The following PTPRT variants were observed in gnomAD, a reference collection of about 807,000 sequenced individuals.
PTPRT encodes protein tyrosine phosphatase receptor type T, also known as receptor-type tyrosine-protein phosphatase T.
In PTPRT, 56 loss-of-function variants were observed where a neutral mutation model predicts 176.8. That is an observed-to-expected ratio of 0.32 (90% CI 0.26 to 0.40). PTPRT has a LOEUF of 0.40. PTPRT is among the 10% of genes least tolerant of loss of function. PTPRT has a pLI of 1.00. For synonymous variants in PTPRT, 783 were observed against 739.0 expected (o/e 1.06, Z -0.96); for missense variants, 1,540 against 1,908.2 (o/e 0.81, Z 3.60).
chr20:42,858,110 C>T (rs770017236), intron 2 of PTPRT, among the ~76,000 whole-genome samples: 2 of 152,190 alleles, frequency 1.3e-5, no homozygotes, highest in Non-Finnish European at 2.9e-5. Context: ...AATCATGGAT[C>T]TGCCTACCTG....
At chr20:42,811,929 T>C (rs1017875011) in intron 2 of PTPRT, among the ~76,000 whole-genome samples, 5 of 152,184 alleles carry the variant, frequency 3.3e-5, no homozygotes, top group African/African-American at 1.2e-4. Flanking sequence ...CTGAGTACAT[T>C]TACTCTTGAC....
intron 7 of PTPRT, among the ~76,000 whole-genome samples, chr20:42,610,238 A>T (rs1251267384): frequency 2.0e-5 from 3 of 152,258 alleles, no homozygotes; most frequent in East Asian, 3.9e-4. Flanking sequence ...AGACTCCCAG[A>T]TTTTCTGCAA....
At chr20:42,791,922 G>T (rs994585547) in intron 2 of PTPRT, among the ~76,000 whole-genome samples, 2 of 152,142 alleles carry the variant, frequency 1.3e-5, no homozygotes, top group African/African-American at 4.8e-5. Context: ...GTTCCTTCCA[G>T]CAGAAACAGA....
At chr20:42,778,543 G>A (rs1347396576) in intron 4 of PTPRT, among the ~76,000 whole-genome samples, 1 of 152,188 alleles carries the variant, frequency 6.6e-6, no homozygotes, top group Non-Finnish European at 1.5e-5. Context: ...TGAGTGGATG[G>A]GATGTAGGCA....
intron 2 of PTPRT, among the ~76,000 whole-genome samples, chr20:42,835,597 G>C (rs1221103455): frequency 1.3e-5 from 2 of 152,122 alleles, no homozygotes; most frequent in African/African-American, 4.8e-5. Flanking sequence ...TCAAGGCTTT[G>C]TAGCATACAT....
chr20:42,811,140 T>C (rs2077691442), intron 2 of PTPRT, among the ~76,000 whole-genome samples: 1 of 152,194 alleles, frequency 6.6e-6, no homozygotes, highest in African/African-American at 2.4e-5. Context: ...TATTGGGAAA[T>C]GATACATATT....
At chr20:42,650,144 G>GAAGA (rs2075003473) in intron 7 of PTPRT, among the ~76,000 whole-genome samples, 1 of 152,172 alleles carries the variant, frequency 6.6e-6, no homozygotes, top group Non-Finnish European at 1.5e-5. Flanking sequence ...ACAGATATTG[G>GAAGA]TTAGCAGTCT....
chr20:42,785,287 T>C (rs1039030097), intron 3 of PTPRT, among the ~76,000 whole-genome samples: 3 of 152,184 alleles, frequency 2.0e-5, no homozygotes. Flanking sequence ...AGAGGAAATT[T>C]CAGTGTTTAT....
At chr20:42,293,925 C>T (rs763741121) in intron 12 of PTPRT, among the ~76,000 whole-genome samples, 1 of 151,820 alleles carries the variant, frequency 6.6e-6, no homozygotes, top group South Asian at 2.1e-4. Flanking sequence ...TATTTAACAC[C>T]AAATTTTCCC....
intron 19 of PTPRT, among the ~76,000 whole-genome samples, chr20:42,123,846 C>T (rs1261538203): frequency 6.6e-6 from 1 of 152,192 alleles, no homozygotes; most frequent in Admixed American, 6.5e-5. Flanking sequence ...TCCACTTTCT[C>T]TGGCTTACTT....
intron 2 of PTPRT, among the ~76,000 whole-genome samples, chr20:42,878,237 T>C (rs1001276875): frequency 6.6e-6 from 1 of 152,196 alleles, no homozygotes; most frequent in Non-Finnish European, 1.5e-5. Flanking sequence ...GGAACAGTCA[T>C]TGCAATGGGA....
chr20:42,385,578 A>G (rs533517998), intron 9 of PTPRT, among the ~76,000 whole-genome samples: 1 of 152,362 alleles, frequency 6.6e-6, no homozygotes, highest in East Asian at 1.9e-4. Context: ...ACAGTGTATT[A>G]GTCTGTTCTC....
rs1286035140 is a variant in PTPRT, at chr20:42,104,599, T to G, written c.3510A>C (p.Thr1170=). ...YYNISRLDPQ[T]NSSQIKDEFQ... ...ATTCATCTTTGATTTGGCTGGAGTTTGTCTGGGGGTCCAGCCTGCTGATAT... is the reference window on the plus strand; with the variant it reads ...ATTCATCTTTGATTTGGCTGGAGTTGGTCTGGGGGTCCAGCCTGCTGATAT... The change falls in exon 25 of 31, where the codon ACA becomes ACC. Residue 1170 remains threonine, a synonymous_variant. Coordinates refer to ENST00000373187, the MANE Select transcript of PTPRT (RefSeq NM_007050.6). The G allele has an allele frequency of 1.9e-6, 3 of 1,613,002 alleles. No individual in the cohort carries two copies. Among genetic ancestry groups the G allele is most frequent in the Non-Finnish European group, 2.5e-6 (3 of 1,179,088 alleles).
At chr20:42,101,480 A>G (rs2146233892) in intron 26 of PTPRT, among the ~76,000 whole-genome samples, 1 of 152,328 alleles carries the variant, frequency 6.6e-6, no homozygotes, top group Middle Eastern at 3.4e-3. Context: ...TCGCTGGACC[A>G]GGAACATGAC....
At chr20:42,345,744 AATATATAT>A (rs897900404) in intron 11 of PTPRT, among the ~76,000 whole-genome samples, 1 of 151,292 alleles carries the variant, frequency 6.6e-6, no homozygotes, top group African/African-American at 2.4e-5. Context: ...CAAAACAAAA[AATATATAT>A]ATATGAACAG....
chr20:43,091,547 A>G (rs892517578), intron 1 of PTPRT, among the ~76,000 whole-genome samples: 2 of 151,184 alleles, frequency 1.3e-5, no homozygotes, highest in Admixed American at 6.6e-5. Context: ...TCACACACAC[A>G]TACACACAAA....
At chr20:42,283,558 GT>G (rs770442237) in intron 12 of PTPRT, among the ~76,000 whole-genome samples, 2 of 152,052 alleles carry the variant, frequency 1.3e-5, no homozygotes, top group Non-Finnish European at 2.9e-5. Flanking sequence ...TCCAATGTAG[GT>G]GTGTGGCTGG....
At chr20:42,243,012 T>C (rs1600720127) in intron 14 of PTPRT, among the ~76,000 whole-genome samples, 1 of 112,310 alleles carries the variant, frequency 8.9e-6, no homozygotes, top group African/African-American at 3.5e-5. Context: ...GAAAAGACAA[T>C]GGAGGAAGAG....
intron 8 of PTPRT, among the ~76,000 whole-genome samples, chr20:42,455,104 T>A (rs1191830755): frequency 2.0e-5 from 3 of 152,024 alleles, no homozygotes; most frequent in Non-Finnish European, 4.4e-5. Context: ...TAATTCCAAA[T>A]CCATTGTGGA....
Sources: allele counts gnomAD v4.1 joint callset (sites outside exome capture counted in the v4.1 genomes callset), GRCh38; gene constraint gnomAD v4.1.1; transcripts MANE v1.5; gene names NCBI Gene and HGNC (gene_info 2026-07-23, HGNC 2026-07-21).